WIPF1: variants seen among roughly 807,000 people sequenced by gnomAD.
WIPF1 encodes WAS/WASL-interacting protein family member 1.
WIPF1 carries 13 observed loss-of-function variants against 35.4 expected under a neutral mutation model. The observed-to-expected ratio is 0.37, with a 90% CI of 0.24 to 0.58. WIPF1 has a LOEUF of 0.58. Ranked by LOEUF, WIPF1 falls within the 20% of genes least tolerant of loss-of-function variation. The pLI is 0.74. For missense variants in WIPF1, 591 were observed against 667.0 expected (o/e 0.89, Z 1.25); for synonymous variants, 267 against 266.3 (o/e 1.00, Z -0.02).
intron 1 of WIPF1, chr2:174,673,295 G>C (rs547178548): frequency 6.6e-6 from 1 of 152,218 alleles, no homozygotes; most frequent in Non-Finnish European, 1.5e-5. Flanking sequence ...TCAAGTGGTG[G>C]AGAGTTCAGG....
At chr2:174,642,386 G>A (rs1385346113) in intron 1 of WIPF1, among the ~76,000 whole-genome samples, 38 of 110,020 alleles carry the variant, frequency 3.5e-4, no homozygotes, top group African/African-American at 1.2e-3. Context: ...TCACTCTGTC[G>A]CCCAGGCTGG....
At chr2:174,647,622 C>T (rs1223529665) in intron 1 of WIPF1, among the ~76,000 whole-genome samples, 1 of 145,714 alleles carries the variant, frequency 6.9e-6, no homozygotes, top group African/African-American at 2.6e-5. Context: ...TCCGTGCCCC[C>T]TTGGCCTCCC....
chr2:174,667,731 T>A (rs889697162), intron 1 of WIPF1, among the ~76,000 whole-genome samples: 4 of 152,156 alleles, frequency 2.6e-5, no homozygotes, highest in African/African-American at 9.7e-5. Context: ...GCAAGAGCCC[T>A]GCAGCTTGCC....
At chr2:174,602,237 G>A (rs1385986811), upstream of WIPF1, among the ~76,000 whole-genome samples, 1 of 152,150 alleles carries the variant, frequency 6.6e-6, no homozygotes, top group East Asian at 1.9e-4. Flanking sequence ...CCAAGAGCAG[G>A]CAGAAGATTA....
intron 1 of WIPF1, among the ~76,000 whole-genome samples, chr2:174,662,260 A>G (rs573399852): frequency 6.6e-6 from 1 of 152,398 alleles, no homozygotes; most frequent in African/African-American, 2.4e-5. Context: ...TAATGACTAT[A>G]GAATGTCCAT....
intron 1 of WIPF1, among the ~76,000 whole-genome samples, chr2:174,641,879 T>C (rs1231637164): frequency 6.6e-6 from 1 of 152,208 alleles, no homozygotes; most frequent in East Asian, 1.9e-4. Flanking sequence ...GGTACTGTGA[T>C]CTCCACTTTA....
upstream of WIPF1, chr2:174,598,213 A>G (rs1685881602): frequency 6.6e-6 from 1 of 152,238 alleles, no homozygotes; most frequent in Admixed American, 6.5e-5. Context: ...CTTCTCATTT[A>G]CAGGGCATTC....
At chr2:174,657,023 G>C (rs1295446935) in intron 1 of WIPF1, among the ~76,000 whole-genome samples, 6 of 152,154 alleles carry the variant, frequency 3.9e-5, no homozygotes, top group Admixed American at 3.3e-4. Flanking sequence ...ACATAATCCA[G>C]AATATTTTCT....
intron 1 of WIPF1, among the ~76,000 whole-genome samples, chr2:174,674,903 TACACACACAC>T (rs35062209): frequency 0.011 from 1,496 of 134,010 alleles, 34 homozygotes; most frequent in African/African-American, 0.039. Context: ...CAGGTTCAAA[TACACACACAC>T]ACACACACAC....
rs942093028 is a variant in WIPF1, at chr2:174,674,858, TGACA to T, written c.-39+7912_-39+7915del. Among the ~76,000 whole-genome samples the T allele has an allele frequency of 4.6e-5, 7 of 150,792 alleles. No individual in the cohort carries two copies. In the Middle Eastern group the frequency reaches 0.01, roughly 220 times the overall value. ...GAAAGTAATACTCCTTTAGAGACTC[TGACA>T]GACAGAAATAAAAAAGCTTCTGTAA... On this transcript the variant is annotated intron_variant, in intron 1 of 8. Coordinates refer to the WIPF1 transcript ENST00000272746.
chr2:174,641,194 G>T (rs901207292), intron 1 of WIPF1, among the ~76,000 whole-genome samples: 6 of 152,210 alleles, frequency 3.9e-5, no homozygotes, highest in African/African-American at 1.4e-4. Context: ...GGATATCCAT[G>T]TGCAGAAGGA....
At chr2:174,673,113 C>G (rs554501677) in intron 1 of WIPF1, among the ~76,000 whole-genome samples, 176 of 152,296 alleles carry the variant, frequency 1.2e-3, no homozygotes, top group South Asian at 2.3e-3. Context: ...CCACAGTATG[C>G]CGCAAGAGAA....
chr2:174,608,322 C>T (rs1249763833), intron 1 of WIPF1, among the ~76,000 whole-genome samples: 1 of 152,108 alleles, frequency 6.6e-6, no homozygotes, highest in Non-Finnish European at 1.5e-5. Context: ...ATGCCAGTAC[C>T]CTAGATGCTG....
chr2:174,586,808 C>T (rs986216298), intron 1 of WIPF1, among the ~76,000 whole-genome samples: 4 of 152,148 alleles, frequency 2.6e-5, no homozygotes, highest in Non-Finnish European at 5.9e-5. Context: ...TGTCAACTCC[C>T]AGTCCCTTTT....
At chr2:174,647,187 C>G (rs1286321574) in intron 1 of WIPF1, among the ~76,000 whole-genome samples, 1 of 151,834 alleles carries the variant, frequency 6.6e-6, no homozygotes, top group East Asian at 1.9e-4. Context: ...GCCTGGGCAG[C>G]AGAGCGACAT....
chr2:174,682,099 T>C (rs1688260150), intron 1 of WIPF1, among the ~76,000 whole-genome samples: 1 of 152,222 alleles, frequency 6.6e-6, no homozygotes, highest in African/African-American at 2.4e-5. Context: ...TGAAGCTGTC[T>C]CTGGAGAGTT....
At chr2:174,574,967 T>A (rs1349977496) in intron 4 of WIPF1, 9 of 701,280 alleles carry the variant, frequency 1.3e-5, no homozygotes, top group African/African-American at 1.9e-5. Context: ...AAAAAAAAAA[T>A]GTACAGGTTA....
chr2:174,626,300 A>G (rs1262662464), intron 1 of WIPF1, among the ~76,000 whole-genome samples: 1 of 152,246 alleles, frequency 6.6e-6, no homozygotes, highest in Admixed American at 6.5e-5. Context: ...CTCTGATTTC[A>G]GTCCCAGAAA....
At chr2:174,678,843 C>G (rs969959726) in intron 1 of WIPF1, among the ~76,000 whole-genome samples, 10 of 152,238 alleles carry the variant, frequency 6.6e-5, no homozygotes, top group African/African-American at 2.4e-4. Context: ...TCAGTGAGAT[C>G]TCTCCTTGGG....
Sources: gnomAD v4.1 joint callset for allele counts (sites outside exome capture counted in the v4.1 genomes callset) on GRCh38, gnomAD v4.1.1 for gene constraint, MANE v1.5 for transcripts, NCBI Gene and HGNC (gene_info 2026-07-23, HGNC 2026-07-21) for gene names.